Variants in COL6A2 observed in about 807,000 individuals in gnomAD.
The protein encoded by COL6A2 is collagen type VI alpha 2 chain, also known as collagen alpha-2(VI) chain.
Under a neutral mutation model 124.9 loss-of-function variants are expected in COL6A2, and 90 were observed. That is an observed-to-expected ratio of 0.72 (90% CI 0.61 to 0.86). COL6A2 has a LOEUF of 0.86. Among genes scored for constraint, COL6A2 ranks in the 40% least tolerant of loss-of-function variants. The pLI, the probability that COL6A2 is intolerant of heterozygous loss-of-function variation, is 0.00. For synonymous variants in COL6A2, 793 were observed against 618.2 expected (o/e 1.28, Z -4.19); for missense variants, 1,607 against 1,502.5 (o/e 1.07, Z -1.15).
At position 46,121,924 on chromosome 21, in the gene COL6A2, G is replaced by A. The variant is rs1021150011; in HGVS notation, c.1522-184G>A. On this transcript the variant is annotated intron_variant, in intron 18 of 27. Transcript: ENST00000300527. Reference sequence around the variant, plus strand: ...GGGCAGGCTTCGGGTCTCTAGGCACGTCCAGCCCCCACTGGAGGTGGACAG... The same window carrying A: ...GGGCAGGCTTCGGGTCTCTAGGCACATCCAGCCCCCACTGGAGGTGGACAG... 1.2e-4 allele frequency among the ~76,000 whole-genome samples: 19 copies of A among 152,200 alleles called. 1 individual carries two copies. The South Asian group carries it at 2.9e-3, about 23-fold the overall frequency.
Position 46,125,915 on chromosome 21 carries a change from C to T in COL6A2, c.2100C>T (p.Gly700=). The change falls in exon 26 of 28, where the codon GGC becomes GGT. Residue 700 remains glycine, a synonymous_variant. Transcript: ENST00000300527. The part of the protein sequence containing the change: ...AVKNLEWIAG[G]TWTPSALKFA... ...AGAACCTCGAGTGGATTGCGGGCGG[C>T]ACCTGGACACCCTCAGCCCTCAAGT... The T allele has an allele frequency of 6.2e-7, 1 of 1,613,144 alleles. No individual in the cohort carries two copies. The highest frequency in any genetic ancestry group is 8.5e-7 in the Non-Finnish European group (1 of 1,179,932).
rs1319090947 is a variant in COL6A2 at position 46,132,425 on chromosome 21, G to T, written c.2933G>T (p.Ser978Ile). 6.2e-7 allele frequency: 1 copy of T among 1,607,178 alleles called. No individual in the cohort carries two copies. Among genetic ancestry groups the T allele is most frequent in the African/African-American group, 1.3e-5 (1 of 74,988 alleles). Reference sequence around the variant, plus strand: ...GTACCCACCGTGCTGGCCTTGGGCAGCGACGTGGACATGGACGTGCTCACC... The same window carrying T: ...GTACCCACCGTGCTGGCCTTGGGCATCGACGTGGACATGGACGTGCTCACC... ...NVVPTVLALG[S>I]DVDMDVLTTL... is the part of the protein sequence containing the mutation. The change falls in exon 28 of 28, where the codon AGC (serine) becomes ATC (isoleucine). Residue 978 changes from serine to isoleucine, a missense_variant. Transcript: ENST00000300527.
At chr21:46,108,917 G>C (rs1420868566) in intron 1 of COL6A2, among the ~76,000 whole-genome samples, 1 of 152,206 alleles carries the variant, frequency 6.6e-6, no homozygotes, top group African/African-American at 2.4e-5. Context: ...CAAGTGGAGG[G>C]TGTGCAAGAC....
In COL6A2 at chr21:46,126,553, C is replaced by G; in HGVS notation, c.2461+12C>G. 1 of 1,613,398 alleles carries G rather than the reference C, an allele frequency of 6.2e-7. No individual in the cohort carries two copies. The highest frequency in any genetic ancestry group is 8.5e-7 in the Non-Finnish European group (1 of 1,179,910). ...TCCCTGCCAAACAGGTAATGCAGGG[C>G]ACCCTGAGCCACCACCCCAGACTAG... On this transcript the variant is annotated intron_variant, in intron 27 of 27. Coordinates refer to ENST00000300527, the MANE Select transcript of COL6A2 (RefSeq NM_001849.4).
At chr21:46,123,855 G>C (rs1021655393) in intron 21 of COL6A2, among the ~76,000 whole-genome samples, 2 of 86,528 alleles carry the variant, frequency 2.3e-5, no homozygotes, top group Non-Finnish European at 5.2e-5. Context: ...GGATGAATGA[G>C]TTAGTGGGTT....
At chr21:46,124,498 G>A (rs1370449554) in intron 21 of COL6A2, among the ~76,000 whole-genome samples, 153 bp from the exon 22 acceptor site, 1 of 151,892 alleles carries the variant, frequency 6.6e-6, no homozygotes, top group Non-Finnish European at 1.5e-5. Flanking sequence ...GCATAGGGAA[G>A]GAGGAGGCAC....
intron 1 of COL6A2, among the ~76,000 whole-genome samples, chr21:46,104,898 A>C (rs1206201152): frequency 6.6e-6 from 1 of 152,262 alleles, no homozygotes; most frequent in Non-Finnish European, 1.5e-5. Context: ...CTAAAAGAAT[A>C]AAAACTGTCT....
chr21:46,124,560 A>T lies in COL6A2; in HGVS notation c.1672-91A>T, dbSNP rs545709796. ...TAGCCCCCCCCCCCGCCAAGGGAGG[A>T]CCCGTGGTTGGGGACAGCACAGGGG... is the stretch of plus-strand genomic sequence containing the variant. On this transcript the variant is annotated intron_variant, in intron 21 of 27. Coordinates refer to ENST00000300527, the MANE Select transcript of COL6A2 (RefSeq NM_001849.4). The T allele has an allele frequency of 1.8e-4, 206 of 1,158,436 alleles. 1 individual carries two copies. In the African/African-American group the frequency reaches 1.9e-3, roughly 11 times the overall value. The allele number at this position is 1,158,436 out of a possible 1,614,324, so 71.8% of individuals were successfully genotyped here. A position where few individuals can be genotyped will look rare whatever the true frequency, so the allele number is the denominator to read the frequency against.
intron 1 of COL6A2, among the ~76,000 whole-genome samples, chr21:46,099,787 C>T (rs2078267784): frequency 6.6e-6 from 1 of 151,744 alleles, no homozygotes; most frequent in Non-Finnish European, 1.5e-5. Context: ...CACAGGGCGC[C>T]TGCTCTTAGA....
At chr21:46,124,321 G>A (rs578227237) in intron 21 of COL6A2, among the ~76,000 whole-genome samples, 1 of 152,222 alleles carries the variant, frequency 6.6e-6, no homozygotes, top group Admixed American at 6.5e-5. Flanking sequence ...GGGTGGATGG[G>A]TGGGCGTGGA....
chr21:46,125,045 G>A (rs1014023696), intron 23 of COL6A2, 125 bp downstream of exon 23: 3 of 1,297,236 alleles, frequency 2.3e-6, no homozygotes, highest in South Asian at 1.2e-5. Flanking sequence ...AGGTCAGAGG[G>A]CAAGGTCAGA....
At chr21:46,110,741 G>T (rs1282636774) in intron 1 of COL6A2, among the ~76,000 whole-genome samples, 3 of 44,656 alleles carry the variant, frequency 6.7e-5, no homozygotes, top group Admixed American at 3.4e-4. Context: ...CTGCCCAGCT[G>T]CCCGGCTGCT....
chr21:46,126,548 C>T lies in COL6A2; in HGVS notation c.2461+7C>T, dbSNP rs758274705. The T allele has an allele frequency of 6.8e-6, 11 of 1,613,444 alleles. No individual in the cohort carries two copies. The highest frequency in any genetic ancestry group is 2.2e-5 in the East Asian group (1 of 44,876). ...GACCTTCCCTGCCAAACAGGTAATGCAGGGCACCCTGAGCCACCACCCCAG... is the reference window on the plus strand; with the variant it reads ...GACCTTCCCTGCCAAACAGGTAATGTAGGGCACCCTGAGCCACCACCCCAG... On this transcript the variant is annotated splice_region_variant and intron_variant, in intron 27 of 27. Transcript: ENST00000300527.
intron 1 of COL6A2, among the ~76,000 whole-genome samples, chr21:46,104,956 A>G (rs1020964088): frequency 6.6e-6 from 1 of 152,256 alleles, no homozygotes; most frequent in Non-Finnish European, 1.5e-5. Flanking sequence ...AGTAAGGGAG[A>G]AATTAACACA....
rs1186081262 is a variant in COL6A2 at position 46,116,306 on chromosome 21, A to G, written c.901-71A>G. 9.0e-6 allele frequency: 14 copies of G among 1,561,138 alleles called. No individual in the cohort carries two copies. The East Asian group carries it at 2.7e-4, about 30-fold the overall frequency. The stretch of plus-strand genomic sequence containing the variant: ...CCACCGAGCACTCCCCTCAGCCTGC[A>G]GGGCTGGCCCTTCCCTGCCTGTGTC... On this transcript the variant is annotated intron_variant, in intron 7 of 27. Coordinates refer to ENST00000300527, the MANE Select transcript of COL6A2 (RefSeq NM_001849.4). The surrounding 1 kb of genome is among the most constrained non-coding windows in gnomAD (Gnocchi z 4.6).
At chr21:46,127,129 G>T (rs567683407) in intron 27 of COL6A2, among the ~76,000 whole-genome samples, 84 of 152,254 alleles carry the variant, frequency 5.5e-4, no homozygotes, top group African/African-American at 1.9e-3. Flanking sequence ...ATGGTGCACT[G>T]CTGCACCGTA....
At chr21:46,117,572 C>G in intron 11 of COL6A2, 119 bp downstream of exon 11, 1 of 1,040,990 alleles carries the variant, frequency 9.6e-7, no homozygotes, top group South Asian at 1.4e-5. Flanking sequence ...CCCAGCAGCC[C>G]CAGCCCAGCA....
At chr21:46,104,716 A>G (rs2078319614) in intron 1 of COL6A2, among the ~76,000 whole-genome samples, 1 of 152,264 alleles carries the variant, frequency 6.6e-6, no homozygotes, top group African/African-American at 2.4e-5. Context: ...GAACTCAAAG[A>G]GACCCACACT....
At chr21:46,128,371 G>A (rs1170139141) in intron 27 of COL6A2, among the ~76,000 whole-genome samples, 2 of 152,288 alleles carry the variant, frequency 1.3e-5, no homozygotes, top group East Asian at 1.9e-4. Context: ...AAGTGAACTC[G>A]ACCTTGTGGC....
Sources: allele counts gnomAD v4.1 joint callset (sites outside exome capture counted in the v4.1 genomes callset), GRCh38; gene constraint gnomAD v4.1.1; non-coding constraint Gnocchi (gnomAD v3.1); transcripts MANE v1.5; gene names NCBI Gene and HGNC (gene_info 2026-07-23, HGNC 2026-07-21).